DIAPH2: variants seen among roughly 807,000 people sequenced by gnomAD.
The protein encoded by DIAPH2 is diaphanous related formin 2, also known as protein diaphanous homolog 2.
In DIAPH2, 35 loss-of-function variants were observed where a neutral mutation model predicts 92.7. The observed-to-expected ratio is 0.38, with a 90% CI of 0.29 to 0.50. The LOEUF is 0.50. DIAPH2 is among the 20% of genes least tolerant of loss of function. The pLI is 0.94. For synonymous variants in DIAPH2, 301 were observed against 280.4 expected, an observed-to-expected ratio of 1.07 and a Z score of -0.73; for missense variants, 701 against 819.5, an observed-to-expected ratio of 0.86 and a Z score of 1.77.
intron 24 of DIAPH2, among the ~76,000 whole-genome samples, chrX:97,362,885 C>A (rs2069338962): frequency 8.9e-6 from 1 of 112,469 alleles, no homozygotes; most frequent in Admixed American, 9.4e-5. Context: ...ATTGTGCAAT[C>A]AATTTCTTAA....
At chrX:97,474,986 C>T (rs188636661) in intron 26 of DIAPH2, among the ~76,000 whole-genome samples, 53 of 110,035 alleles carry the variant, frequency 4.8e-4, no homozygotes, top group Middle Eastern at 4.6e-3. Flanking sequence ...GACCTCCCCC[C>T]ACCCTCCACT....
At chrX:97,550,478 G>A (rs1333692866) in intron 26 of DIAPH2, among the ~76,000 whole-genome samples, 1 of 111,989 alleles carries the variant, frequency 8.9e-6, no homozygotes. Flanking sequence ...TCTCTCATGG[G>A]CTCTTAAGCT....
At chrX:97,491,057 G>T (rs2070722083) in intron 26 of DIAPH2, among the ~76,000 whole-genome samples, 1 of 111,218 alleles carries the variant, frequency 9.0e-6, no homozygotes, top group African/African-American at 3.3e-5. Context: ...CTTCAGATCT[G>T]TCAGTGTTTA....
At chrX:96,929,074 G>A (rs977283170) in intron 9 of DIAPH2, among the ~76,000 whole-genome samples, 20 of 111,232 alleles carry the variant, frequency 1.8e-4, no homozygotes, top group African/African-American at 6.2e-4. Flanking sequence ...CTAACAGATG[G>A]CAACTTTTCT....
intron 23 of DIAPH2, among the ~76,000 whole-genome samples, chrX:97,274,356 A>C (rs1277314384): frequency 9.2e-6 from 1 of 108,645 alleles, no homozygotes; most frequent in African/African-American, 3.3e-5. Context: ...AAAAATACAA[A>C]AATTAGCCTG....
intron 19 of DIAPH2, among the ~76,000 whole-genome samples, chrX:97,085,603 G>T (rs2147347879): frequency 9.1e-6 from 1 of 110,490 alleles, no homozygotes; most frequent in Admixed American, 9.7e-5. Flanking sequence ...TTTTAGTAGA[G>T]ATGGGGTTTC....
At chrX:96,925,888 C>T (rs2065578066) in intron 9 of DIAPH2, among the ~76,000 whole-genome samples, 1 of 111,661 alleles carries the variant, frequency 9.0e-6, no homozygotes, top group Non-Finnish European at 1.9e-5. Flanking sequence ...CTTCCGTTGG[C>T]TTGGAAAGTA....
chrX:96,911,728 T>G (rs2065469812), intron 5 of DIAPH2, among the ~76,000 whole-genome samples: 1 of 111,605 alleles, frequency 9.0e-6, no homozygotes, highest in Non-Finnish European at 1.9e-5. Flanking sequence ...TCAAAGCAAT[T>G]ATTACATTTA....
intron 26 of DIAPH2, among the ~76,000 whole-genome samples, chrX:97,579,941 G>C (rs761324063): frequency 9.1e-6 from 1 of 109,756 alleles, no homozygotes; most frequent in African/African-American, 3.3e-5. Flanking sequence ...TTGTGAATGG[G>C]AGTTCACTCA....
intron 4 of DIAPH2, among the ~76,000 whole-genome samples, chrX:96,802,410 G>A: frequency 8.9e-6 from 1 of 112,256 alleles, no homozygotes; most frequent in African/African-American, 3.2e-5. Flanking sequence ...CCTATGGACT[G>A]TAGTTTGCCA....
At chrX:96,790,073 GTTT>G (rs1369966539) in intron 4 of DIAPH2, among the ~76,000 whole-genome samples, 104 of 99,685 alleles carry the variant, frequency 1.0e-3, no homozygotes, top group Non-Finnish European at 1.5e-3. Context: ...TTTGTTTTTT[GTTT>G]TTTTTTTTTT....
At chrX:97,216,904 G>C (rs969953838) in intron 22 of DIAPH2, among the ~76,000 whole-genome samples, 4 of 111,533 alleles carry the variant, frequency 3.6e-5, no homozygotes, top group Non-Finnish European at 7.5e-5. Flanking sequence ...TACTGTATTA[G>C]AGTCTAATTT....
chrX:96,811,001 G>A (rs1275250122), intron 4 of DIAPH2, among the ~76,000 whole-genome samples: 8 of 111,854 alleles, frequency 7.2e-5, no homozygotes, highest in African/African-American at 2.6e-4. Flanking sequence ...TGACAATGTG[G>A]GCTCTTTTTT....
chrX:97,165,899 A>G (rs1431882105), intron 22 of DIAPH2, among the ~76,000 whole-genome samples: 1 of 105,897 alleles, frequency 9.4e-6, no homozygotes, highest in Non-Finnish European at 2.0e-5. Context: ...CGTCTTCTCT[A>G]CTCTCTCTCT....
At chrX:96,891,522 A>G (rs1368201996) in intron 5 of DIAPH2, among the ~76,000 whole-genome samples, 1 of 111,972 alleles carries the variant, frequency 8.9e-6, no homozygotes, top group African/African-American at 3.2e-5. Context: ...GAAATGACCA[A>G]TGAGTTTGGA....
chrX:97,566,542 G>T (rs996155597), intron 26 of DIAPH2, among the ~76,000 whole-genome samples: 9 of 111,644 alleles, frequency 8.1e-5, no homozygotes, highest in African/African-American at 2.9e-4. Flanking sequence ...CAGCAAATTT[G>T]TCAACAAATT....
chrX:96,973,788 C>CG (rs2065943401), intron 17 of DIAPH2, among the ~76,000 whole-genome samples: 1 of 104,596 alleles, frequency 9.6e-6, no homozygotes, highest in Non-Finnish European at 1.9e-5. Flanking sequence ...CTCCACCTCA[C>CG]GGGTTCAAGT....
chrX:97,054,466 A>G (rs1430227809), intron 17 of DIAPH2, among the ~76,000 whole-genome samples: 1 of 111,689 alleles, frequency 9.0e-6, no homozygotes, highest in Non-Finnish European at 1.9e-5. Flanking sequence ...ATAGGGAGAA[A>G]ACTCTGTAGA....
In DIAPH2 at chrX:97,600,214, TA is replaced by T. The variant is rs2071584575; in HGVS notation, c.*898del. ...ATATTGATTCCTATGCTCTGTGGTT[TA>T]TTTCTTTTTTCTATTGCTTCTTTCT... On this transcript the variant is annotated 3_prime_UTR_variant, in exon 27 of 27. Transcript: ENST00000324765. The T allele has an allele frequency of 8.9e-6, 1 of 112,291 alleles. No homozygotes were observed. The highest frequency in any genetic ancestry group is 3.7e-4 in the South Asian group (1 of 2,706). The allele number at this position is 112,291 out of a possible 1,213,427, so 9.3% of individuals were successfully genotyped here.
Sources: gnomAD v4.1 joint callset for allele counts (sites outside exome capture counted in the v4.1 genomes callset) on GRCh38, gnomAD v4.1.1 for gene constraint, MANE v1.5 for transcripts, NCBI Gene and HGNC (gene_info 2026-07-23, HGNC 2026-07-21) for gene names.